The following KSR1 variants were observed in gnomAD, a reference collection of about 807,000 sequenced individuals.
The protein encoded by KSR1 is kinase suppressor of ras 1, also known as kinase suppressor of ras.
A neutral mutation model predicts 92.9 loss-of-function variants in KSR1; 35 were observed. The observed-to-expected ratio is 0.38, with a 90% CI of 0.29 to 0.50. KSR1 has a LOEUF of 0.50. Among genes scored for constraint, KSR1 ranks in the 20% least tolerant of loss-of-function variants. KSR1 has a pLI of 0.94. For missense variants in KSR1, 972 were observed against 1,158.5 expected (o/e 0.84, Z 2.34); for synonymous variants, 467 against 472.6 (o/e 0.99, Z 0.15).
At chr17:27,526,050 C>T (rs968997558) in intron 1 of KSR1, among the ~76,000 whole-genome samples, 145 of 16,044 alleles carry the variant, frequency 9.0e-3, no homozygotes, top group African/African-American at 0.045. Flanking sequence ...TTCTTTCTCT[C>T]TCTCTCTCTC....
intron 2 of KSR1, among the ~76,000 whole-genome samples, chr17:27,563,058 G>A (rs1168245990): frequency 1.3e-5 from 2 of 152,096 alleles, no homozygotes; most frequent in Non-Finnish European, 2.9e-5. Flanking sequence ...CTATGTCCAA[G>A]TATGGGTCTC....
intron 1 of KSR1, among the ~76,000 whole-genome samples, chr17:27,486,921 G>A (rs1717897626): frequency 6.6e-6 from 1 of 152,228 alleles, no homozygotes; most frequent in African/African-American, 2.4e-5. Context: ...GTCTTTAGCT[G>A]TAAAATGGGG....
intron 1 of KSR1, among the ~76,000 whole-genome samples, chr17:27,508,687 C>T (rs1352200013): frequency 3.3e-5 from 5 of 150,708 alleles, no homozygotes; most frequent in African/African-American, 1.2e-4. Context: ...GGCCCTCTTT[C>T]CTAGGTTTGG....
intron 1 of KSR1, among the ~76,000 whole-genome samples, chr17:27,547,337 C>T (rs1338265990): frequency 2.0e-5 from 3 of 152,186 alleles, no homozygotes; most frequent in Non-Finnish European, 4.4e-5. Context: ...TTCAGGGGGT[C>T]CATCGATGAA....
At chr17:27,526,046 C>CTTTTCTTTTCTTTTCTTTTCTTTTCTT (rs1555576231) in intron 1 of KSR1, among the ~76,000 whole-genome samples, 1,646 of 59,758 alleles carry the variant, frequency 0.028, 37 homozygotes, top group African/African-American at 0.048. Context: ...TCTTTTCTTT[C>CTTTTCTTTTCTTTTCTTTTCTTTTCTT]TCTCTCTCTC....
chr17:27,463,186 TCTGTAATCACA>T (rs1466185112), intron 1 of KSR1, among the ~76,000 whole-genome samples: 1 of 152,196 alleles, frequency 6.6e-6, no homozygotes, highest in Non-Finnish European at 1.5e-5. Flanking sequence ...TGCCACTGCA[TCTGTAATCACA>T]CTGACGGCCA....
chr17:27,532,409 T>C, intron 1 of KSR1, among the ~76,000 whole-genome samples: 1 of 152,190 alleles, frequency 6.6e-6, no homozygotes, highest in East Asian at 1.9e-4. Context: ...CAGAGCACTT[T>C]CAGGTACGGG....
rs1431936677 is a variant in KSR1 at position 27,588,590 on chromosome 17, TGGGGCCAGGA to T, written c.1046+57_1046+66del. 4 of 1,479,402 alleles carry T rather than the reference TGGGGCCAGGA, an allele frequency of 2.7e-6. No individual in the cohort carries two copies. The East Asian group carries it at 9.7e-5, about 36-fold the overall frequency. The allele number at this position is 1,479,402 out of a possible 1,614,324, so 91.6% of individuals were successfully genotyped here. On this transcript the variant is annotated intron_variant, in intron 6 of 20. Transcript: ENST00000644974. ...GGGCACAGCCGGGCTGGTACCCAGATGGGGCCAGGAGTTCTGGTCACTGTTTCTCAGCGAG... is the reference window on the plus strand; with the variant it reads ...GGGCACAGCCGGGCTGGTACCCAGATGTTCTGGTCACTGTTTCTCAGCGAG...
At chr17:27,575,127 GT>G (rs2072455762) in intron 2 of KSR1, among the ~76,000 whole-genome samples, 1 of 152,238 alleles carries the variant, frequency 6.6e-6, no homozygotes, top group South Asian at 2.1e-4. Flanking sequence ...TCCTGGGTGA[GT>G]CCACAGAATA....
At chr17:27,464,546 C>A (rs1174898709) in intron 1 of KSR1, among the ~76,000 whole-genome samples, 1 of 151,982 alleles carries the variant, frequency 6.6e-6, no homozygotes, top group East Asian at 1.9e-4. Context: ...CATAGTGAGA[C>A]CCTGTCTCTA....
chr17:27,490,979 C>G (rs2068804673), intron 1 of KSR1, among the ~76,000 whole-genome samples: 1 of 152,078 alleles, frequency 6.6e-6, no homozygotes, highest in South Asian at 2.1e-4. Context: ...GACAGATTTT[C>G]GTGATATATT....
intron 1 of KSR1, among the ~76,000 whole-genome samples, chr17:27,483,004 C>T (rs2068554344): frequency 6.6e-6 from 1 of 152,200 alleles, no homozygotes; most frequent in African/African-American, 2.4e-5. Context: ...ACATTTCTCC[C>T]ATGTTATTTT....
chr17:27,490,101 A>G (rs1316213949), intron 1 of KSR1, among the ~76,000 whole-genome samples: 2 of 152,236 alleles, frequency 1.3e-5, no homozygotes, highest in African/African-American at 4.8e-5. Flanking sequence ...GCCCAGGTCC[A>G]TTCCTCTCTA....
intron 2 of KSR1, among the ~76,000 whole-genome samples, chr17:27,565,169 T>C (rs2072012383): frequency 6.6e-6 from 1 of 152,236 alleles, no homozygotes; most frequent in Non-Finnish European, 1.5e-5. Context: ...CACTGTAATC[T>C]TACTACTCAA....
At chr17:27,486,093 G>C (rs2150952389) in intron 1 of KSR1, among the ~76,000 whole-genome samples, 1 of 152,356 alleles carries the variant, frequency 6.6e-6, no homozygotes, top group South Asian at 2.1e-4. Context: ...TTAGAATTTG[G>C]ATTAAGTTGT....
intron 1 of KSR1, among the ~76,000 whole-genome samples, chr17:27,519,604 G>A (rs542788530): frequency 2.4e-4 from 36 of 152,268 alleles, no homozygotes; most frequent in African/African-American, 6.3e-4. Context: ...AGCTGTCCCC[G>A]TTCTCTGCAC....
intron 1 of KSR1, chr17:27,526,802 G>A: frequency 5.9e-6 from 6 of 1,023,826 alleles, no homozygotes; most frequent in Middle Eastern, 4.4e-4. Flanking sequence ...TGATTCTTGG[G>A]CCGTGGCGTG....
intron 10 of KSR1, among the ~76,000 whole-genome samples, chr17:27,597,776 C>T (rs548391661): frequency 1.2e-4 from 19 of 152,250 alleles, no homozygotes; most frequent in Middle Eastern, 3.4e-3. Flanking sequence ...CTCACTTTCT[C>T]GGGACTGGCT....
intron 1 of KSR1, among the ~76,000 whole-genome samples, chr17:27,502,472 C>T (rs2150983765): frequency 6.6e-6 from 1 of 151,840 alleles, no homozygotes. Context: ...TTTCCCTGTA[C>T]AATCTTTTCC....
Sources: allele counts gnomAD v4.1 joint callset (sites outside exome capture counted in the v4.1 genomes callset), GRCh38; gene constraint gnomAD v4.1.1; transcripts MANE v1.5; gene names NCBI Gene and HGNC (gene_info 2026-07-23, HGNC 2026-07-21).